IPP: variants seen among roughly 807,000 people sequenced by gnomAD.
IPP encodes the protein actin-binding protein IPP.
In IPP, 41 loss-of-function variants were observed where a neutral mutation model predicts 64.1. The ratio of observed to expected loss-of-function variants is 0.64; its 90% confidence interval spans 0.50 to 0.83. The LOEUF is 0.83. Ranked by LOEUF, IPP falls within the 40% of genes least tolerant of loss-of-function variation. The pLI is 0.00. For synonymous variants in IPP, 214 were observed against 235.2 expected (o/e 0.91, Z 0.83); for missense variants, 649 against 703.0 (o/e 0.92, Z 0.87).
At chr1:45,749,677 C>A (rs1269312189) in intron 1 of IPP, among the ~76,000 whole-genome samples, 1 of 151,552 alleles carries the variant, frequency 6.6e-6, no homozygotes, top group Admixed American at 6.6e-5. Flanking sequence ...CCCGCCACCA[C>A]GCCCGGCTAA....
At chr1:45,730,657 A>G (rs1645894157) in intron 3 of IPP, among the ~76,000 whole-genome samples, 1 of 150,342 alleles carries the variant, frequency 6.7e-6, no homozygotes, top group Non-Finnish European at 1.5e-5. Context: ...TCATTTGCCA[A>G]GTTGTAAGAC....
intron 1 of IPP, among the ~76,000 whole-genome samples, chr1:45,749,706 G>C (rs1407156138): frequency 1.3e-5 from 2 of 151,596 alleles, no homozygotes; most frequent in African/African-American, 4.8e-5. Context: ...ATTTTTAGTA[G>C]AGACGGGGTT....
At position 45,700,008 on chromosome 1, in the gene IPP, G is replaced by A; in HGVS notation, c.1713C>T (p.Asn571=). The A allele has an allele frequency of 6.2e-7, 1 of 1,614,162 alleles. No individual in the cohort carries two copies. Among genetic ancestry groups the A allele is most frequent in the Non-Finnish European group, 8.5e-7 (1 of 1,180,024 alleles). The part of the protein sequence containing the change: ...PHSDTWTEIG[N]MITSRCEGGV... ...CCCCTTCACAACGACTGGTGATCATGTTACCAATTTCTGTCCATGTATCTG... is the reference window on the plus strand; with the variant it reads ...CCCCTTCACAACGACTGGTGATCATATTACCAATTTCTGTCCATGTATCTG... Residue 571 remains asparagine, a synonymous_variant, in exon 9 of 9, where the codon AAC becomes AAT. Coordinates refer to ENST00000396478, the MANE Select transcript of IPP (RefSeq NM_005897.3).
chr1:45,726,572 T>G (rs1239933479), intron 5 of IPP, among the ~76,000 whole-genome samples: 1 of 152,192 alleles, frequency 6.6e-6, no homozygotes, highest in Non-Finnish European at 1.5e-5. Flanking sequence ...CAAAACACCA[T>G]GATTTCGACC....
intron 3 of IPP, among the ~76,000 whole-genome samples, chr1:45,731,074 G>C (rs1645898576): frequency 6.6e-6 from 1 of 152,224 alleles, no homozygotes; most frequent in Admixed American, 6.5e-5. Flanking sequence ...AGATATCAAA[G>C]TCAAGTTCCT....
At chr1:45,701,993 A>C (rs1199955275) in intron 8 of IPP, among the ~76,000 whole-genome samples, 1 of 152,262 alleles carries the variant, frequency 6.6e-6, no homozygotes, top group Non-Finnish European at 1.5e-5. Flanking sequence ...GAAATTACAC[A>C]GCACATCACA....
At chr1:45,700,724 A>G (rs1038057173) in intron 8 of IPP, among the ~76,000 whole-genome samples, 7 of 152,260 alleles carry the variant, frequency 4.6e-5, no homozygotes, top group Non-Finnish European at 1.0e-4. Context: ...ATTATAAAAC[A>G]TGATCAGGAA....
intron 1 of IPP, among the ~76,000 whole-genome samples, chr1:45,748,117 A>G (rs1209958285): frequency 6.6e-6 from 1 of 152,144 alleles, no homozygotes; most frequent in Non-Finnish European, 1.5e-5. Context: ...AGCTGCTAAA[A>G]CTTCATATCA....
intron 3 of IPP, among the ~76,000 whole-genome samples, chr1:45,738,399 T>A (rs968109569): frequency 3.9e-5 from 6 of 152,088 alleles, no homozygotes; most frequent in Non-Finnish European, 8.8e-5. Flanking sequence ...TTACCTAGTG[T>A]CCCTAAGTGC....
intron 3 of IPP, among the ~76,000 whole-genome samples, chr1:45,739,670 C>T (rs1197935794): frequency 6.6e-6 from 1 of 151,874 alleles, no homozygotes; most frequent in Non-Finnish European, 1.5e-5. Flanking sequence ...AAAGATGATT[C>T]AAAGGCTACT....
At position 45,699,577 on chromosome 1, in the gene IPP, C is replaced by A. The variant is rs1645420808; in HGVS notation, c.*389G>T. 1.0e-6 allele frequency: 1 copy of A among 991,938 alleles called. No individual in the cohort carries two copies. Among genetic ancestry groups the A allele is most frequent in the Non-Finnish European group, 1.2e-6 (1 of 833,402 alleles). The allele number at this position is 991,938 out of a possible 1,614,324, so 61.4% of individuals were successfully genotyped here. A position where few individuals can be genotyped will look rare whatever the true frequency, so the allele number is the denominator to read the frequency against. On this transcript the variant is annotated 3_prime_UTR_variant, in exon 9 of 9. Coordinates refer to ENST00000396478, the MANE Select transcript of IPP (RefSeq NM_005897.3). ...AAATGGCATTTCTATTATTAGTAAACCTGGCAAATCTGTGTGAGCTCTTTA... is the reference window on the plus strand; with the variant it reads ...AAATGGCATTTCTATTATTAGTAAAACTGGCAAATCTGTGTGAGCTCTTTA...
At chr1:45,739,562 AT>A (rs1646032453) in intron 3 of IPP, among the ~76,000 whole-genome samples, 1 of 151,630 alleles carries the variant, frequency 6.6e-6, no homozygotes, top group South Asian at 2.1e-4. Context: ...GCCTAAAGTA[AT>A]TCTTAGAAAT....
rs1645428112 is a variant in IPP, at chr1:45,699,811, A to C, written c.*155T>G. ...CCAAAGTGCTGGGATTATAGGCATG[A>C]GGCCACTGCGCCCAGCCTCGTTAGT... On this transcript the variant is annotated 3_prime_UTR_variant, in exon 9 of 9. Transcript: ENST00000396478. 2.1e-6 allele frequency: 3 copies of C among 1,439,166 alleles called. No individual in the cohort carries two copies. The highest frequency in any genetic ancestry group is 2.7e-6 in the Non-Finnish European group (3 of 1,100,658). The allele number at this position is 1,439,166 out of a possible 1,614,324, so 89.1% of individuals were successfully genotyped here.
intron 3 of IPP, among the ~76,000 whole-genome samples, chr1:45,738,839 C>CAAAAAAAAAAAAAAAAAA (rs752168393): frequency 1.3e-4 from 1 of 7,696 alleles, no homozygotes; most frequent in African/African-American, 3.5e-4. Context: ...GACTCCATCT[C>CAAAAAAAAAAAAAAAAAA]AAAAAAAAAA....
intron 8 of IPP, among the ~76,000 whole-genome samples, chr1:45,701,444 C>T (rs976343000): frequency 6.6e-6 from 1 of 152,168 alleles, no homozygotes; most frequent in East Asian, 1.9e-4. Flanking sequence ...CCCGCCACCA[C>T]GCCTGGCTAA....
At chr1:45,730,908 A>G (rs1396636711) in intron 3 of IPP, among the ~76,000 whole-genome samples, 1 of 152,248 alleles carries the variant, frequency 6.6e-6, no homozygotes, top group Non-Finnish European at 1.5e-5. Flanking sequence ...ATTAAAAGGG[A>G]AAGTCTTTAC....
At chr1:45,702,677 A>G (rs914342833) in intron 8 of IPP, among the ~76,000 whole-genome samples, 2 of 151,082 alleles carry the variant, frequency 1.3e-5, no homozygotes, top group Non-Finnish European at 3.0e-5. Flanking sequence ...CTGGTCTTGA[A>G]CTCCTGATCT....
At chr1:45,726,160 T>TAAAA (rs71062704) in intron 5 of IPP, among the ~76,000 whole-genome samples, 2 of 141,316 alleles carry the variant, frequency 1.4e-5, no homozygotes, top group East Asian at 2.0e-4. Context: ...ACCCCATCTC[T>TAAAA]AAAAAAAAAA....
chr1:45,699,009 G>A lies in IPP; in HGVS notation c.*957C>T. 1 of 982,574 alleles carries A rather than the reference G, an allele frequency of 1.0e-6. No individual in the cohort carries two copies. Among genetic ancestry groups the A allele is most frequent in the Non-Finnish European group, 1.2e-6 (1 of 827,420 alleles). The allele number at this position is 982,574 out of a possible 1,614,324, so 60.9% of individuals were successfully genotyped here. On this transcript the variant is annotated 3_prime_UTR_variant, in exon 9 of 9. Coordinates refer to ENST00000396478, the MANE Select transcript of IPP (RefSeq NM_005897.3). ...CTCAAAGTGCTGGGATTACAGGTGT[G>A]AGCCACCATGCCCAGCCTAAAAAAG... is the stretch of plus-strand genomic sequence containing the variant.
Sources: allele counts gnomAD v4.1 joint callset (sites outside exome capture counted in the v4.1 genomes callset), GRCh38; gene constraint gnomAD v4.1.1; transcripts MANE v1.5; gene names NCBI Gene and HGNC (gene_info 2026-07-23, HGNC 2026-07-21).